The following CHD2 variants were observed in gnomAD, a reference collection of about 807,000 sequenced individuals.
CHD2 encodes ATP-dependent chromatin remodeler CHD2.
CHD2 carries 28 observed loss-of-function variants against 243.9 expected under a neutral mutation model. That is an observed-to-expected ratio of 0.11 (90% confidence interval 0.09 to 0.16). The LOEUF (loss-of-function observed/expected upper bound fraction) is 0.16. Among genes scored for constraint, CHD2 ranks in the 10% least tolerant of loss-of-function variants. The probability of loss-of-function intolerance (pLI) is 1.00; values close to 1 mark genes in which losing one functional copy is unlikely to be tolerated. For synonymous variants in CHD2, 775 were observed against 779.0 expected, an observed-to-expected ratio of 0.99 and a Z score of 0.09; for missense variants, 1,386 against 2,209.8, an observed-to-expected ratio of 0.63 and a Z score of 7.47.
intron 2 of CHD2, among the ~76,000 whole-genome samples, chr15:92,913,234 T>TCA (rs2052773530): frequency 6.6e-6 from 1 of 152,188 alleles, no homozygotes; most frequent in African/African-American, 2.4e-5. Context: ...TTTCGATCTT[T>TCA]TCTGTTCTGT....
chr15:92,975,253 T>C (rs1292518353), intron 20 of CHD2, among the ~76,000 whole-genome samples: 1 of 152,130 alleles, frequency 6.6e-6, no homozygotes, highest in Non-Finnish European at 1.5e-5. Context: ...AGTTGGGCAA[T>C]AGAATTAATA....
Position 92,949,616 on chromosome 15 carries a change from TGGG to T in CHD2, c.1502+545_1502+547del, listed in dbSNP as rs199671818. On this transcript the variant is annotated intron_variant, in intron 13 of 38. Coordinates refer to ENST00000394196, the MANE Select transcript of CHD2 (RefSeq NM_001271.4). ...CCTTTTTATAAGACCACGTTAATCT[TGGG>T]GGGGTGAAAAAAAGATGAGACAGTG... Among the ~76,000 whole-genome samples, 11 of 152,036 alleles carry T rather than the reference TGGG, an allele frequency of 7.2e-5. 1 individual carries two copies. The highest frequency in any genetic ancestry group is 2.9e-5 in the Non-Finnish European group (2 of 67,998).
At chr15:92,933,306 C>T (rs2053208287) in intron 5 of CHD2, among the ~76,000 whole-genome samples, 1 of 152,150 alleles carries the variant, frequency 6.6e-6, no homozygotes, top group Admixed American at 6.5e-5. Context: ...ATTGAGAGTG[C>T]ATAACAATCT....
At chr15:92,925,159 T>C (rs2053035273) in intron 3 of CHD2, among the ~76,000 whole-genome samples, 2 of 152,196 alleles carry the variant, frequency 1.3e-5, no homozygotes, top group Admixed American at 6.5e-5. Flanking sequence ...TATGTAGTTA[T>C]AGGTTGGATG....
intron 5 of CHD2, among the ~76,000 whole-genome samples, chr15:92,932,159 G>T (rs1473082870): frequency 6.6e-6 from 1 of 152,152 alleles, no homozygotes; most frequent in East Asian, 1.9e-4. Context: ...ACCGCACCTG[G>T]CTGCTGATGT....
intron 15 of CHD2, 79 bp from the exon 16 acceptor site, chr15:92,956,380 A>G: frequency 1.0e-6 from 1 of 976,528 alleles, no homozygotes; most frequent in South Asian, 1.4e-5. Flanking sequence ...TGGTATTTAT[A>G]CAGAGATAAT....
chr15:93,000,712 A>G (rs556448476), intron 32 of CHD2, 72 bp downstream of exon 32: 22 of 1,468,512 alleles, frequency 1.5e-5, no homozygotes, highest in Admixed American at 2.1e-5. Flanking sequence ...CTGGAATAAA[A>G]TCATCTGAAA....
chr15:92,976,201 A>T (rs906309755), intron 20 of CHD2, among the ~76,000 whole-genome samples: 3 of 152,106 alleles, frequency 2.0e-5, no homozygotes, highest in African/African-American at 7.2e-5. Flanking sequence ...GAAAAAAAAA[A>T]TTGCTTTTTG....
rs1173240360 is a variant in CHD2 at position 92,978,393 on chromosome 15, G to A, written c.2727+10G>A. The A allele has an allele frequency of 1.9e-6, 3 of 1,611,836 alleles. No homozygotes were observed. The highest frequency in any genetic ancestry group is 2.5e-6 in the Non-Finnish European group (3 of 1,178,208). On this transcript the variant is annotated intron_variant, in intron 21 of 38. Coordinates refer to ENST00000394196, the MANE Select transcript of CHD2 (RefSeq NM_001271.4). ...TGGTCAAAAGAAGCAGGTCAGTATG[G>A]AGAGGCTTCTGGAAATTGCTTTAGG...
chr15:92,973,431 T>C (rs1382693779), intron 19 of CHD2, among the ~76,000 whole-genome samples: 1 of 152,208 alleles, frequency 6.6e-6, no homozygotes, highest in African/African-American at 2.4e-5. Context: ...TTACATTTTT[T>C]TTAAAACTTT....
chr15:92,936,141 C>A (rs942698369), intron 5 of CHD2, among the ~76,000 whole-genome samples: 7 of 152,038 alleles, frequency 4.6e-5, no homozygotes, highest in Admixed American at 3.3e-4. Flanking sequence ...GTTGTTTTTT[C>A]CCCCTAAGGT....
intron 2 of CHD2, among the ~76,000 whole-genome samples, chr15:92,923,143 T>A (rs150383489): frequency 6.6e-6 from 1 of 152,216 alleles, no homozygotes; most frequent in Non-Finnish European, 1.5e-5. Flanking sequence ...GAAGTTAATG[T>A]GTATAAATTT....
At position 92,997,173 on chromosome 15, in the gene CHD2, A is replaced by G; in HGVS notation, c.3734+78A>G. 1.2e-6 allele frequency: 2 copies of G among 1,606,832 alleles called. No individual in the cohort carries two copies. The highest frequency in any genetic ancestry group is 1.7e-6 in the Non-Finnish European group (2 of 1,177,054). ...TTGAAGTTAGACTTTGTGTAGTTCC[A>G]TAGTATTTTTACTGTCTCTTCTTTA... On this transcript the variant is annotated intron_variant, in intron 29 of 38. Coordinates refer to ENST00000394196, the MANE Select transcript of CHD2 (RefSeq NM_001271.4). This position sits in a 1 kb window ranked among gnomAD's most constrained non-coding sequence, Gnocchi z 4.1.
chr15:92,979,468 C>A (rs371776033), intron 22 of CHD2, among the ~76,000 whole-genome samples, 185 bp downstream of exon 22: 1 of 152,092 alleles, frequency 6.6e-6, no homozygotes, highest in Non-Finnish European at 1.5e-5. Flanking sequence ...CCATCACCCC[C>A]CTTCTTATGT....
At chr15:92,937,416 G>A (rs906686675) in intron 5 of CHD2, 102 bp from the exon 6 acceptor site, 4 of 756,922 alleles carry the variant, frequency 5.3e-6, no homozygotes, top group Admixed American at 2.7e-5. Flanking sequence ...AAATGTGCAT[G>A]TTCTGCCCTT....
intron 2 of CHD2, among the ~76,000 whole-genome samples, chr15:92,906,784 TA>T (rs906189386): frequency 6.8e-4 from 103 of 151,138 alleles, no homozygotes; most frequent in Admixed American, 3.5e-3. Flanking sequence ...CAAAGAAACT[TA>T]AAAAAAAATT....
At position 93,025,516 on chromosome 15, in the gene CHD2, G is replaced by A. The variant is rs1417335699; in HGVS notation, c.*811G>A. ...TGAGGCAACACTGATGCCAGCATGG[G>A]TCTTACTTGACTGGGGAGTAGGCTG... On this transcript the variant is annotated 3_prime_UTR_variant, in exon 39 of 39. Coordinates refer to ENST00000394196, the MANE Select transcript of CHD2 (RefSeq NM_001271.4). 5 of 152,648 alleles carry A rather than the reference G, an allele frequency of 3.3e-5. No homozygotes were observed. Among genetic ancestry groups the A allele is most frequent in the Admixed American group, 1.3e-4 (2 of 15,268 alleles). 9.5% of individuals were successfully genotyped at this position (152,648 alleles called of 1,614,324 possible).
chr15:92,964,102 T>C (rs988428329), intron 16 of CHD2, among the ~76,000 whole-genome samples: 1 of 152,246 alleles, frequency 6.6e-6, no homozygotes, highest in Non-Finnish European at 1.5e-5. Flanking sequence ...CTTTTGTAAT[T>C]GGAGAGAGGA....
At chr15:92,939,150 C>G (rs2053316507) in intron 6 of CHD2, among the ~76,000 whole-genome samples, 1 of 151,450 alleles carries the variant, frequency 6.6e-6, no homozygotes, top group South Asian at 2.1e-4. Context: ...ATAGTGAATA[C>G]TTTATTATGC....
Sources: gnomAD v4.1 joint callset for allele counts (sites outside exome capture counted in the v4.1 genomes callset) on GRCh38, gnomAD v4.1.1 for gene constraint, Gnocchi (gnomAD v3.1) non-coding constraint, MANE v1.5 for transcripts, NCBI Gene and HGNC (gene_info 2026-07-23, HGNC 2026-07-21) for gene names.